Variants in KIF5C observed in about 807,000 individuals in gnomAD.
KIF5C encodes kinesin family member 5C.
KIF5C carries 18 observed loss-of-function variants against 125.2 expected under a neutral mutation model. The observed-to-expected ratio is 0.14, with a 90% confidence interval of 0.10 to 0.21. The LOEUF is 0.21. KIF5C is among the 10% of genes least tolerant of loss of function. KIF5C has a pLI of 1.00. For missense variants in KIF5C, 780 were observed against 1,183.8 expected, an observed-to-expected ratio of 0.66 and a Z score of 5.01; for synonymous variants, 405 against 434.0, an observed-to-expected ratio of 0.93 and a Z score of 0.83.
In KIF5C at chr2:148,991,124, G is replaced by T. The variant is rs532360681; in HGVS notation, c.1831G>T (p.Ala611Ser). Reference sequence around the variant, plus strand: ...GAACCGCAGCAAACAGCTCGAGAGCGCCCAGATGGACTCCAACAGGAAGAT... The same window carrying T: ...GAACCGCAGCAAACAGCTCGAGAGCTCCCAGATGGACTCCAACAGGAAGAT... ...LVNRSKQLES[A>S]QMDSNRKMNA... Residue 611 changes from alanine (A) to serine (S), a missense_variant, in exon 16 of 26, where the codon GCC becomes TCC. Transcript: ENST00000435030. 3 of 1,613,810 alleles carry T rather than the reference G, an allele frequency of 1.9e-6. No individual in the cohort carries two copies. Among genetic ancestry groups the T allele is most frequent in the Non-Finnish European group, 2.5e-6 (3 of 1,179,882 alleles).
At chr2:148,947,268 T>G in intron 8 of KIF5C, 9 of 474,940 alleles carry the variant, frequency 1.9e-5, no homozygotes, top group East Asian at 4.0e-5. Context: ...TGATGGGCCC[T>G]TATGATGATA....
In KIF5C at chr2:148,991,034, G is replaced by A; in HGVS notation, c.1741G>A (p.Glu581Lys). The change falls in exon 16 of 26, where the codon GAG becomes AAG. Residue 581 changes from glutamate to lysine, a missense_variant. Transcript: ENST00000435030. ...KTLADVNGVI[E>K]EEFTMARLYI... Reference sequence around the variant, plus strand: ...GTTGGCAGATGTGAATGGAGTCATTGAGGAGGAGTTTACCATGGCCCGCCT... The same window carrying A: ...GTTGGCAGATGTGAATGGAGTCATTAAGGAGGAGTTTACCATGGCCCGCCT... The A allele has an allele frequency of 6.2e-7, 1 of 1,613,608 alleles. No individual in the cohort carries two copies. The highest frequency in any genetic ancestry group is 8.5e-7 in the Non-Finnish European group (1 of 1,179,726).
intron 25 of KIF5C, among the ~76,000 whole-genome samples, chr2:149,017,254 G>A (rs1183047599): frequency 2.0e-5 from 3 of 152,200 alleles, no homozygotes; most frequent in Non-Finnish European, 1.5e-5. Flanking sequence ...GCTGGGCAGA[G>A]GAGGAAGCAC....
chr2:148,998,558 C>T, intron 19 of KIF5C, 49 bp downstream of exon 19: 1 of 1,548,836 alleles, frequency 6.5e-7, no homozygotes, highest in Non-Finnish European at 8.7e-7. Context: ...ATGCCTCGGT[C>T]CTCTTGGGGA....
At position 148,949,959 on chromosome 2, in the gene KIF5C, C is replaced by T; in HGVS notation, c.819+16C>T. The T allele has an allele frequency of 1.9e-6, 3 of 1,609,240 alleles. No individual in the cohort carries two copies. Among genetic ancestry groups the T allele is most frequent in the Non-Finnish European group, 2.5e-6 (3 of 1,177,626 alleles). ...AGAAGGGACAGTAAGTGATCCTGCC[C>T]CCATCTATTAAGTAATATTATGAGA... On this transcript the variant is annotated intron_variant, in intron 9 of 25. Coordinates refer to ENST00000435030, the MANE Select transcript of KIF5C (RefSeq NM_004522.3).
intron 21 of KIF5C, among the ~76,000 whole-genome samples, chr2:149,002,820 T>TC (rs1303288538): frequency 6.6e-6 from 1 of 152,208 alleles, no homozygotes; most frequent in Non-Finnish European, 1.5e-5. Flanking sequence ...CTTTCTCCTC[T>TC]CATACACTCA....
At chr2:148,979,304 A>G (rs1029340323) in intron 13 of KIF5C, among the ~76,000 whole-genome samples, 8 of 152,034 alleles carry the variant, frequency 5.3e-5, no homozygotes, top group African/African-American at 1.9e-4. Context: ...TATTTTTTTG[A>G]GACAGGGTCT....
chr2:148,875,448 C>G lies in KIF5C; in HGVS notation c.-170C>G, dbSNP rs1681151247. ...GCTGCCCACCTTCCCGGGCTCGGAG[C>G]GGCCGGGGCTGCTCAGCCGGCCGGG... On this transcript the variant is annotated 5_prime_UTR_variant, in exon 1 of 26. Coordinates refer to ENST00000435030, the MANE Select transcript of KIF5C (RefSeq NM_004522.3). The G allele has an allele frequency of 5.3e-6, 3 of 569,906 alleles. No homozygotes were observed. The highest frequency in any genetic ancestry group is 4.0e-5 in the African/African-American group (2 of 49,874). The allele number at this position is 569,906 out of a possible 1,614,324, so 35.3% of individuals were successfully genotyped here. A position where few individuals can be genotyped will look rare whatever the true frequency, so the allele number is the denominator to read the frequency against.
chr2:149,016,936 G>T (rs1212268048), intron 25 of KIF5C, among the ~76,000 whole-genome samples: 1 of 152,152 alleles, frequency 6.6e-6, no homozygotes, highest in African/African-American at 2.4e-5. Flanking sequence ...GGGGCCTGAG[G>T]ATCATGTGGG....
intron 8 of KIF5C, 95 bp downstream of exon 8, chr2:148,947,118 T>G: frequency 3.4e-6 from 5 of 1,459,346 alleles, no homozygotes; most frequent in Non-Finnish European, 2.7e-6. Flanking sequence ...ATTTTCCTGC[T>G]TTAAAGAGCT....
In KIF5C at chr2:148,961,756, A is replaced by G. The variant is rs73965226; in HGVS notation, c.969-215A>G. ...TAAATGTTCATTAGATTTAGAGACCAGTGGGATGTGAAGGAGAAAAGGAAA... is the reference window on the plus strand; with the variant it reads ...TAAATGTTCATTAGATTTAGAGACCGGTGGGATGTGAAGGAGAAAAGGAAA... On this transcript the variant is annotated intron_variant, in intron 10 of 25. Coordinates refer to ENST00000435030, the MANE Select transcript of KIF5C (RefSeq NM_004522.3). 0.14 allele frequency among the ~76,000 whole-genome samples: 21,334 copies of G among 152,202 alleles called. 2,296 individuals are homozygous for G. Among genetic ancestry groups the G allele is most frequent in the African/African-American group, 0.3 (12,276 of 41,488 alleles).
intron 11 of KIF5C, among the ~76,000 whole-genome samples, chr2:148,965,410 C>T (rs543895118): frequency 1.4e-4 from 21 of 152,216 alleles, no homozygotes; most frequent in Non-Finnish European, 2.6e-4. Context: ...GGAGGGATTC[C>T]GCAGAACTCT....
chr2:148,973,119 AG>A (rs1350017136), intron 11 of KIF5C, among the ~76,000 whole-genome samples: 4 of 152,140 alleles, frequency 2.6e-5, no homozygotes, highest in Non-Finnish European at 5.9e-5. Context: ...TTGAGAGGGG[AG>A]GTTTTACATA....
chr2:149,015,049 C>T (rs892408450), intron 25 of KIF5C, among the ~76,000 whole-genome samples: 1 of 152,034 alleles, frequency 6.6e-6, no homozygotes. Context: ...ATTAGCTGGG[C>T]GTAGACATGC....
intron 25 of KIF5C, among the ~76,000 whole-genome samples, chr2:149,019,841 C>G (rs1453907664): frequency 6.6e-6 from 1 of 152,200 alleles, no homozygotes; most frequent in Non-Finnish European, 1.5e-5. Flanking sequence ...TTGCAAAACC[C>G]TTGTATAATT....
At chr2:148,973,213 C>G (rs1197027510) in intron 11 of KIF5C, 123 bp from the exon 12 acceptor site, 1 of 1,369,654 alleles carries the variant, frequency 7.3e-7, no homozygotes, top group African/African-American at 1.5e-5. Context: ...TCTACCCACA[C>G]TACAGCCCTT....
At chr2:148,956,767 G>A (rs1446615274) in intron 10 of KIF5C, among the ~76,000 whole-genome samples, 1 of 152,210 alleles carries the variant, frequency 6.6e-6, no homozygotes, top group East Asian at 1.9e-4. Flanking sequence ...TCCTGCTGCG[G>A]TTATAACTTG....
chr2:148,923,055 C>T (rs1480966535), intron 2 of KIF5C, among the ~76,000 whole-genome samples: 2 of 152,242 alleles, frequency 1.3e-5, no homozygotes, highest in Non-Finnish European at 2.9e-5. Flanking sequence ...TGCTTTTCAT[C>T]ATCAAATCAT....
chr2:148,997,537 G>T, intron 18 of KIF5C, 197 bp downstream of exon 18: 1 of 971,050 alleles, frequency 1.0e-6, no homozygotes. Flanking sequence ...ACCCCAAGAT[G>T]TCTGTAGAGA....
Sources: allele counts gnomAD v4.1 joint callset (sites outside exome capture counted in the v4.1 genomes callset), GRCh38; gene constraint gnomAD v4.1.1; transcripts MANE v1.5; gene names NCBI Gene and HGNC (gene_info 2026-07-23, HGNC 2026-07-21).